FOXN3: variants seen among roughly 807,000 people sequenced by gnomAD.
FOXN3 encodes the protein forkhead box protein N3.
A neutral mutation model predicts 38.4 loss-of-function variants in FOXN3; 7 were observed. The observed-to-expected ratio is 0.18, with a 90% confidence interval of 0.10 to 0.34. The LOEUF is 0.34. Among genes scored for constraint, FOXN3 ranks in the 10% least tolerant of loss-of-function variants. The pLI is 1.00. For missense variants in FOXN3, 456 were observed against 613.4 expected, an observed-to-expected ratio of 0.74 and a Z score of 2.71; for synonymous variants, 230 against 242.2, an observed-to-expected ratio of 0.95 and a Z score of 0.47.
chr14:89,556,401 C>CT (rs1401276850), intron 1 of FOXN3, among the ~76,000 whole-genome samples: 4 of 143,350 alleles, frequency 2.8e-5, no homozygotes. Context: ...GAAACTCCAT[C>CT]TCAAAAAAAA....
chr14:89,231,065 T>C (rs1444535252), intron 4 of FOXN3, among the ~76,000 whole-genome samples: 1 of 152,160 alleles, frequency 6.6e-6, no homozygotes, highest in Non-Finnish European at 1.5e-5. Context: ...CATTTATTAC[T>C]TGATGAGGAG....
At chr14:89,331,274 G>A (rs1888239297) in intron 3 of FOXN3, among the ~76,000 whole-genome samples, 1 of 152,028 alleles carries the variant, frequency 6.6e-6, no homozygotes, top group African/African-American at 2.4e-5. Context: ...GTCTATTCTA[G>A]GAAAACTTCA....
chr14:89,359,409 G>A (rs570332078), intron 2 of FOXN3, among the ~76,000 whole-genome samples: 104 of 152,232 alleles, frequency 6.8e-4, no homozygotes, highest in South Asian at 2.1e-4. Context: ...CCTGCCTGAT[G>A]GAATAGGTAC....
intron 2 of FOXN3, among the ~76,000 whole-genome samples, chr14:89,369,295 A>T (rs957828897): frequency 3.3e-5 from 5 of 152,212 alleles, no homozygotes; most frequent in African/African-American, 4.8e-5. Context: ...TGGAACTTAG[A>T]GTACACACAA....
chr14:89,408,708 C>T (rs1000811309), intron 2 of FOXN3, among the ~76,000 whole-genome samples: 1 of 151,638 alleles, frequency 6.6e-6, no homozygotes. Flanking sequence ...TCAAGCCTAA[C>T]CGTATTCTTC....
intron 3 of FOXN3, among the ~76,000 whole-genome samples, chr14:89,328,423 C>T (rs866673435): frequency 3.3e-5 from 5 of 152,056 alleles, no homozygotes; most frequent in Non-Finnish European, 7.4e-5. Context: ...AACAGCAGCC[C>T]TGGGTGAATG....
chr14:89,240,825 GC>G (rs1268403768), intron 4 of FOXN3, among the ~76,000 whole-genome samples: 3 of 152,170 alleles, frequency 2.0e-5, no homozygotes, highest in Non-Finnish European at 4.4e-5. Flanking sequence ...AGGAGAAAGG[GC>G]CTGAGTGGAG....
At chr14:89,170,624 A>C (rs571955479) in intron 5 of FOXN3, among the ~76,000 whole-genome samples, 5 of 152,306 alleles carry the variant, frequency 3.3e-5, no homozygotes, top group African/African-American at 1.2e-4. Flanking sequence ...AGCAAATGTC[A>C]ACAAATTTCA....
chr14:89,475,102 C>T (rs1373592480), intron 1 of FOXN3, among the ~76,000 whole-genome samples: 1 of 152,156 alleles, frequency 6.6e-6, no homozygotes, highest in African/African-American at 2.4e-5. Context: ...GCGTGAGCCA[C>T]CGCGCCCGGC....
chr14:89,190,436 A>G, intron 4 of FOXN3: 1 of 1,614,016 alleles, frequency 6.2e-7, no homozygotes, highest in Non-Finnish European at 8.5e-7. Flanking sequence ...CACTGGCAGC[A>G]TCAATGTCAG....
chr14:89,267,611 A>C (rs1886023938), intron 4 of FOXN3, among the ~76,000 whole-genome samples: 1 of 152,234 alleles, frequency 6.6e-6, no homozygotes, highest in Non-Finnish European at 1.5e-5. Context: ...AGAGTAATTG[A>C]GTAAAGAAAA....
At chr14:89,205,295 G>T (rs1296216050) in intron 4 of FOXN3, among the ~76,000 whole-genome samples, 1 of 152,172 alleles carries the variant, frequency 6.6e-6, no homozygotes, top group Non-Finnish European at 1.5e-5. Flanking sequence ...CCTTTGGGAG[G>T]TGATGAGGTC....
chr14:89,308,445 TC>T (rs1382159684), intron 3 of FOXN3, among the ~76,000 whole-genome samples: 1 of 152,266 alleles, frequency 6.6e-6, no homozygotes, highest in Non-Finnish European at 1.5e-5. Context: ...ACTATGGGTC[TC>T]CAGTCTACTC....
chr14:89,284,341 G>A (rs1277687435), intron 3 of FOXN3: 5 of 397,372 alleles, frequency 1.3e-5, no homozygotes, highest in African/African-American at 4.1e-5. Flanking sequence ...GACAGACAGA[G>A]GTCCTGAGAG....
intron 4 of FOXN3, among the ~76,000 whole-genome samples, chr14:89,209,465 A>G (rs1041577793): frequency 1.3e-5 from 2 of 152,256 alleles, no homozygotes; most frequent in South Asian, 4.1e-4. Flanking sequence ...AGTGTGACAT[A>G]AACAGTTTCA....
chr14:89,420,598 G>A (rs1891877436), upstream of FOXN3, among the ~76,000 whole-genome samples: 1 of 152,146 alleles, frequency 6.6e-6, no homozygotes, highest in Non-Finnish European at 1.5e-5. Context: ...AAGAGAAATC[G>A]ATGGCACAGA....
chr14:89,480,866 T>C (rs1893310887), intron 1 of FOXN3, among the ~76,000 whole-genome samples: 1 of 152,150 alleles, frequency 6.6e-6, no homozygotes, highest in African/African-American at 2.4e-5. Flanking sequence ...AGAAACCATA[T>C]GTATAATTTT....
chr14:89,566,181 A>G (rs1238141138), intron 1 of FOXN3, among the ~76,000 whole-genome samples: 9 of 152,124 alleles, frequency 5.9e-5, no homozygotes, highest in Non-Finnish European at 8.8e-5. Context: ...ACCCATACAC[A>G]CTGTACTATT....
chr14:89,433,603 G>C (rs1054716300), intron 1 of FOXN3, among the ~76,000 whole-genome samples: 1 of 152,076 alleles, frequency 6.6e-6, no homozygotes, highest in African/African-American at 2.4e-5. Context: ...AGGAGTTCGT[G>C]ACCAGCCTGG....
Sources: allele counts gnomAD v4.1 joint callset (sites outside exome capture counted in the v4.1 genomes callset), GRCh38; gene constraint gnomAD v4.1.1; transcripts MANE v1.5; gene names NCBI Gene and HGNC (gene_info 2026-07-23, HGNC 2026-07-21).